Variants in ARID4A observed in about 807,000 individuals in gnomAD.
ARID4A encodes the protein AT-rich interactive domain-containing protein 4A.
A neutral mutation model predicts 148.6 loss-of-function variants in ARID4A; 39 were observed. The ratio of observed to expected loss-of-function variants is 0.26; its 90% confidence interval spans 0.20 to 0.34. The LOEUF is 0.34. Ranked by LOEUF, ARID4A falls within the 10% of genes least tolerant of loss-of-function variation. ARID4A has a pLI of 1.00. For missense variants in ARID4A, 1,265 were observed against 1,449.1 expected, an observed-to-expected ratio of 0.87 and a Z score of 2.06; for synonymous variants, 475 against 481.2, an observed-to-expected ratio of 0.99 and a Z score of 0.17.
intron 17 of ARID4A, among the ~76,000 whole-genome samples, chr14:58,355,743 C>T (rs1447522726): frequency 2.0e-5 from 3 of 152,202 alleles, no homozygotes; most frequent in African/African-American, 7.2e-5. Flanking sequence ...ATTACATTTC[C>T]AGTTGCATCA....
chr14:58,347,756 A>G lies in ARID4A; in HGVS notation c.1282A>G (p.Met428Val), dbSNP rs769864095. The G allele has an allele frequency of 3.7e-5, 59 of 1,613,724 alleles. No individual in the cohort carries two copies. Among genetic ancestry groups the G allele is most frequent in the Non-Finnish European group, 4.5e-5 (53 of 1,179,784 alleles). Residue 428 changes from methionine to valine, a missense_variant, in exon 15 of 24, where the codon ATG becomes GTG. By Grantham distance (21) the Met-to-Val change is conservative. Coordinates refer to ENST00000355431, the MANE Select transcript of ARID4A (RefSeq NM_002892.4). ...GGAAAAAAAAGACTTAGAAGAATCAATGGAAGAGGCTCTCAAATTAGATCA... is the reference window on the plus strand; with the variant it reads ...GGAAAAAAAAGACTTAGAAGAATCAGTGGAAGAGGCTCTCAAATTAGATCA... ...KEEKKDLEES[M>V]EEALKLDQEM...
rs2140120166 is a variant in ARID4A, at chr14:58,298,654, G to C, written c.-104G>C. 1 of 152,944 alleles carries C rather than the reference G, an allele frequency of 6.5e-6. No individual in the cohort carries two copies. Among genetic ancestry groups the C allele is most frequent in the Non-Finnish European group, 1.5e-5 (1 of 68,188 alleles). 9.5% of individuals were successfully genotyped at this position (152,944 alleles called of 1,614,324 possible). On this transcript the variant is annotated 5_prime_UTR_variant, in exon 1 of 24. Coordinates refer to ENST00000355431, the MANE Select transcript of ARID4A (RefSeq NM_002892.4). ...CGGACGGGGGCCCACGGAGGTCAGA[G>C]GGGAGGAGGACTCTGGAGCTGACAG...
intron 5 of ARID4A, among the ~76,000 whole-genome samples, chr14:58,307,962 A>G (rs958998670): frequency 1.3e-5 from 2 of 151,760 alleles, no homozygotes; most frequent in African/African-American, 2.4e-5. Flanking sequence ...AGATATTTAT[A>G]TTGCACCTTA....
At position 58,351,053 on chromosome 14, in the gene ARID4A, G is replaced by A; in HGVS notation, c.1405-20G>A. 1 of 1,567,638 alleles carries A rather than the reference G, an allele frequency of 6.4e-7. No individual in the cohort carries two copies. The highest frequency in any genetic ancestry group is 2.2e-5 in the East Asian group (1 of 44,548). ...CCTTTATAGTGATAGCTATTTTAAA[G>A]CTTTTATCCCCTCTACTAGGGACGA... On this transcript the variant is annotated intron_variant, in intron 15 of 23. Coordinates refer to ENST00000355431, the MANE Select transcript of ARID4A (RefSeq NM_002892.4).
chr14:58,364,881 A>T lies in ARID4A; in HGVS notation c.2792A>T (p.Asp931Val). The T allele has an allele frequency of 1.2e-6, 2 of 1,614,192 alleles. No individual in the cohort carries two copies. Among genetic ancestry groups the T allele is most frequent in the Non-Finnish European group, 1.7e-6 (2 of 1,180,034 alleles). The change falls in exon 20 of 24, where the codon GAT becomes GTT. Residue 931 changes from aspartate to valine, a missense_variant. Transcript: ENST00000355431. ...CAACAACTGACTAGTGAAAGATTTG[A>T]TAGTCCAGCTGAAGAAACTGTAAAT... Reference protein sequence around the residue: ...CIQQLTSERFDSPAEETVNIP... With the variant: ...CIQQLTSERFVSPAEETVNIP...
intron 11 of ARID4A, among the ~76,000 whole-genome samples, chr14:58,331,781 A>G (rs953546606): frequency 6.6e-6 from 1 of 152,136 alleles, no homozygotes; most frequent in Non-Finnish European, 1.5e-5. Context: ...ATTAAATGTG[A>G]TTTTTGTATT....
At chr14:58,338,492 C>G (rs1207392920) in intron 11 of ARID4A, among the ~76,000 whole-genome samples, 1 of 152,104 alleles carries the variant, frequency 6.6e-6, no homozygotes, top group Non-Finnish European at 1.5e-5. Flanking sequence ...ATCTCTCCTT[C>G]CATGATAGGG....
At chr14:58,349,447 C>G (rs1041425346) in intron 15 of ARID4A, among the ~76,000 whole-genome samples, 8 of 151,486 alleles carry the variant, frequency 5.3e-5, no homozygotes, top group Non-Finnish European at 1.0e-4. Flanking sequence ...GAGATCGAGA[C>G]CAGCCTCGCC....
At chr14:58,343,010 T>A (rs886949560) in intron 11 of ARID4A, among the ~76,000 whole-genome samples, 23 of 152,106 alleles carry the variant, frequency 1.5e-4, no homozygotes, top group Non-Finnish European at 2.8e-4. Context: ...GCATAAGTGG[T>A]TTTTGGTTTT....
chr14:58,357,466 T>G (rs1281651132), intron 17 of ARID4A, among the ~76,000 whole-genome samples: 1 of 152,210 alleles, frequency 6.6e-6, no homozygotes, highest in Non-Finnish European at 1.5e-5. Context: ...TCCAGATACA[T>G]GAGTTTCTAT....
At chr14:58,338,836 A>C (rs530710552) in intron 11 of ARID4A, among the ~76,000 whole-genome samples, 1 of 152,198 alleles carries the variant, frequency 6.6e-6, no homozygotes, top group Admixed American at 6.5e-5. Flanking sequence ...GCTTGTGTCC[A>C]AAGTAACATT....
chr14:58,327,757 C>T (rs181266045), intron 8 of ARID4A, among the ~76,000 whole-genome samples: 4 of 152,136 alleles, frequency 2.6e-5, no homozygotes, highest in Admixed American at 2.6e-4. Flanking sequence ...CCGCAGCCTC[C>T]ACCTCCTGGG....
intron 5 of ARID4A, among the ~76,000 whole-genome samples, chr14:58,308,789 T>C (rs2031799821): frequency 6.6e-6 from 1 of 152,236 alleles, no homozygotes; most frequent in African/African-American, 2.4e-5. Flanking sequence ...AGCAAAGTAT[T>C]ACATGGGTAT....
At chr14:58,364,077 A>C (rs2035246228) in intron 19 of ARID4A, 93 bp from the exon 20 acceptor site, 1 of 653,532 alleles carries the variant, frequency 1.5e-6, no homozygotes, top group Non-Finnish European at 2.2e-6. Context: ...ACATGATTAA[A>C]GATTTTTATT....
At chr14:58,358,145 A>T (rs531352267) in intron 17 of ARID4A, among the ~76,000 whole-genome samples, 2 of 151,822 alleles carry the variant, frequency 1.3e-5, no homozygotes, top group South Asian at 4.2e-4. Flanking sequence ...ATGCCTCTGC[A>T]CTCCATCCTG....
chr14:58,344,422 C>G (rs2034259147), intron 11 of ARID4A, among the ~76,000 whole-genome samples: 1 of 152,094 alleles, frequency 6.6e-6, no homozygotes, highest in South Asian at 2.1e-4. Context: ...ACGTAACACT[C>G]CCATTTTATT....
intron 5 of ARID4A, among the ~76,000 whole-genome samples, chr14:58,312,866 G>C (rs983692809): frequency 6.6e-6 from 1 of 152,198 alleles, no homozygotes; most frequent in Non-Finnish European, 1.5e-5. Context: ...CATGGTAGAA[G>C]CTTAATAAGT....
chr14:58,355,797 A>C (rs182364125), intron 17 of ARID4A, among the ~76,000 whole-genome samples: 1 of 152,300 alleles, frequency 6.6e-6, no homozygotes, highest in East Asian at 1.9e-4. Context: ...GTTCACAACT[A>C]TCCACTCCTA....
chr14:58,359,115 T>C lies in ARID4A; in HGVS notation c.1854-17T>C. The C allele has an allele frequency of 6.6e-7, 1 of 1,522,228 alleles. No individual in the cohort carries two copies. The highest frequency in any genetic ancestry group is 1.3e-5 in the South Asian group (1 of 77,534). The allele number at this position is 1,522,228 out of a possible 1,614,324, so 94.3% of individuals were successfully genotyped here. On this transcript the variant is annotated splice_polypyrimidine_tract_variant and intron_variant, in intron 17 of 23. Transcript: ENST00000355431. ...TAAAGTTTGTACAAACTCTTTTTTTTTTTTTTTTTTTTTAAGGTATGATGA... is the reference window on the plus strand; with the variant it reads ...TAAAGTTTGTACAAACTCTTTTTTTCTTTTTTTTTTTTTAAGGTATGATGA...
Sources: gnomAD v4.1 joint callset for allele counts (sites outside exome capture counted in the v4.1 genomes callset) on GRCh38, gnomAD v4.1.1 for gene constraint, MANE v1.5 for transcripts, NCBI Gene and HGNC (gene_info 2026-07-23, HGNC 2026-07-21) for gene names.